The following GOLGA6D variants were observed in gnomAD, a reference collection of about 807,000 sequenced individuals.
The protein encoded by GOLGA6D is golgin A6 family member D, also known as golgin subfamily A member 6D.
A neutral mutation model predicts 42.1 loss-of-function variants in GOLGA6D; 9 were observed. That is an observed-to-expected ratio of 0.21 (90% CI 0.13 to 0.37). The LOEUF (loss-of-function observed/expected upper bound fraction) is 0.37. GOLGA6D is among the 10% of genes least tolerant of loss of function. The pLI, the probability that GOLGA6D is intolerant of heterozygous loss-of-function variation, is 1.00. For synonymous variants in GOLGA6D, 39 were observed against 167.3 expected (o/e 0.23, Z 5.92); for missense variants, 87 against 420.8 (o/e 0.21, Z 6.94).
chr15:75,293,483 G>A (rs564007339), intron 14 of GOLGA6D, among the ~76,000 whole-genome samples: 2 of 145,230 alleles, frequency 1.4e-5, no homozygotes, highest in South Asian at 2.2e-4. Context: ...TGTGGGCAGC[G>A]GAAGGTGTGA....
chr15:75,277,719 G>A, the GOLGA6D span, among the ~76,000 whole-genome samples: 1 of 142,746 alleles, frequency 7.0e-6, no homozygotes. Context: ...CTACTCGGGA[G>A]GCTGAGGTGG....
rs267604325 is a variant in GOLGA6D at position 75,294,380 on chromosome 15, G to T, written c.1987G>T (p.Glu663Ter). Residue 663 changes from glutamate to a stop codon, truncating the protein, a stop_gained, in exon 18 of 18, where the codon GAG becomes TAG. Transcript: ENST00000434739. LOFTEE classifies it low-confidence loss of function (END_TRUNC). ...FYEVSLDNNV[E>*]PAPGVAREGS... ...TGAAGTGAGCCTGGACAACAACGTG[G>T]AGCCTGCACCAGGAGTGGCCAGGGA... 1 of 1,598,282 alleles carries T rather than the reference G, an allele frequency of 6.3e-7. No homozygotes were observed. Among genetic ancestry groups the T allele is most frequent in the Non-Finnish European group, 8.5e-7 (1 of 1,177,810 alleles).
chr15:75,276,154 C>A, the GOLGA6D span, among the ~76,000 whole-genome samples: 1 of 151,794 alleles, frequency 6.6e-6, no homozygotes, highest in Non-Finnish European at 1.5e-5. Context: ...CTTGAATGCC[C>A]CCTCACCCCC....
chr15:75,276,194 A>T, the GOLGA6D span, among the ~76,000 whole-genome samples: 893 of 148,076 alleles, frequency 6.0e-3, 2 homozygotes, highest in Admixed American at 9.9e-3. Context: ...GGAAGACTCA[A>T]GTGTCTGTAT....
rs1468080803 is a variant in GOLGA6D at position 75,288,771 on chromosome 15, A to T, written c.564+407A>T. Among the ~76,000 whole-genome samples, 3 of 140,808 alleles carry T rather than the reference A, an allele frequency of 2.1e-5. 1 individual carries two copies. Among genetic ancestry groups the T allele is most frequent in the African/African-American group, 8.4e-5 (3 of 35,564 alleles). 92.4% of individuals were successfully genotyped at this position (140,808 alleles called of 152,430 possible). On this transcript the variant is annotated intron_variant, in intron 7 of 17. Transcript: ENST00000434739. ...TGTGTGTACTATGATAATATACAAA[A>T]ACATGTCTGCAAGCATTCATAAAAA...
At chr15:75,278,850 G>A (rs1309167006), upstream of GOLGA6D, among the ~76,000 whole-genome samples, 1 of 151,550 alleles carries the variant, frequency 6.6e-6, no homozygotes, top group Non-Finnish European at 1.5e-5. Flanking sequence ...GGATGTATCA[G>A]ATGCTTCAAA....
rs1203142585 is a variant in GOLGA6D, at chr15:75,293,468, G to A, written c.1594-261G>A. 1.9e-4 allele frequency among the ~76,000 whole-genome samples: 27 copies of A among 145,716 alleles called. 1 individual carries two copies. Among genetic ancestry groups the A allele is most frequent in the Non-Finnish European group, 3.6e-4 (24 of 66,862 alleles). ...GCCAGTTCCCAGGAGGAGCAGGCAC[G>A]GCTATGTGGGCAGCGGAAGGTGTGA... On this transcript the variant is annotated intron_variant, in intron 14 of 17. Transcript: ENST00000434739.
intron 2 of GOLGA6D, among the ~76,000 whole-genome samples, chr15:75,286,096 T>C: frequency 1.4e-5 from 1 of 70,512 alleles, no homozygotes; most frequent in Non-Finnish European, 2.7e-5. Context: ...CTCTTTTTTT[T>C]TTTTTTTTTT....
chr15:75,276,762 TG>T, the GOLGA6D span, among the ~76,000 whole-genome samples: 143 of 74,286 alleles, frequency 1.9e-3, no homozygotes, highest in African/African-American at 5.0e-3. Flanking sequence ...CAGGGCATTC[TG>T]GGGGGCATCT....
upstream of GOLGA6D, among the ~76,000 whole-genome samples, chr15:75,278,857 C>T (rs2070837428): frequency 6.6e-6 from 1 of 151,440 alleles, no homozygotes; most frequent in Admixed American, 6.6e-5. Context: ...TCAGATGCTT[C>T]AAAAGTCCTG....
chr15:75,294,336 C>G lies in GOLGA6D; in HGVS notation c.1955-12C>G. 1 of 1,591,252 alleles carries G rather than the reference C, an allele frequency of 6.3e-7. No individual in the cohort carries two copies. The highest frequency in any genetic ancestry group is 8.5e-7 in the Non-Finnish European group (1 of 1,176,564). On this transcript the variant is annotated splice_polypyrimidine_tract_variant and intron_variant, in intron 17 of 17. Coordinates refer to ENST00000434739, the MANE Select transcript of GOLGA6D (RefSeq NM_001145224.3). ...GCACTGTGCTCAGACCCCCGCCTCC[C>G]TCTCTCCGAAGTTTTTTATGAAGTG...
the GOLGA6D span, among the ~76,000 whole-genome samples, chr15:75,277,783 CA>C: frequency 6.7e-6 from 1 of 149,398 alleles, no homozygotes; most frequent in African/African-American, 2.5e-5. Flanking sequence ...GCCTGGGCGA[CA>C]GAGTGACACC....
chr15:75,294,360 T>A lies in GOLGA6D; in HGVS notation c.1967T>A (p.Val656Glu). ...CCTCTCTCCGAAGTTTTTTATGAAG[T>A]GAGCCTGGACAACAACGTGGAGCCT... ...AAGEQDVFYE[V>E]SLDNNVEPAP... is the part of the protein sequence containing the mutation. The change falls in exon 18 of 18, where the codon GTG (valine) becomes GAG (glutamate). Residue 656 changes from valine (V) to glutamate (E), a missense_variant. Coordinates refer to ENST00000434739, the MANE Select transcript of GOLGA6D (RefSeq NM_001145224.3). 6.3e-7 allele frequency: 1 copy of A among 1,596,946 alleles called. No homozygotes were observed. The highest frequency in any genetic ancestry group is 1.1e-5 in the South Asian group (1 of 90,454).
chr15:75,277,821 T>C, the GOLGA6D span, among the ~76,000 whole-genome samples: 1 of 1,686 alleles, frequency 5.9e-4, no homozygotes, highest in African/African-American at 1.0e-3. Flanking sequence ...AAAATGTCAC[T>C]GTTTTGGGGT....
upstream of GOLGA6D, among the ~76,000 whole-genome samples, chr15:75,279,037 G>A (rs878943943): frequency 2.7e-5 from 4 of 147,730 alleles, no homozygotes; most frequent in Admixed American, 7.0e-5. Context: ...TTTAGACCAC[G>A]GGAAGTTGAA....
In GOLGA6D at chr15:75,294,364, C is replaced by A; in HGVS notation, c.1971C>A (p.Ser657Arg). 1 of 1,597,434 alleles carries A rather than the reference C, an allele frequency of 6.3e-7. No homozygotes were observed. The highest frequency in any genetic ancestry group is 8.5e-7 in the Non-Finnish European group (1 of 1,177,764). The change falls in exon 18 of 18, where the codon AGC becomes AGA. Residue 657 changes from serine to arginine, a missense_variant. By Grantham distance (110) the Ser-to-Arg change is moderately radical (BLOSUM62 -1). Coordinates refer to ENST00000434739, the MANE Select transcript of GOLGA6D (RefSeq NM_001145224.3). ...AGEQDVFYEV[S>R]LDNNVEPAPG... ...TCTCCGAAGTTTTTTATGAAGTGAG[C>A]CTGGACAACAACGTGGAGCCTGCAC...
chr15:75,285,865 G>A (rs2070851844), intron 2 of GOLGA6D, among the ~76,000 whole-genome samples: 1 of 5,464 alleles, frequency 1.8e-4, no homozygotes, highest in Non-Finnish European at 3.0e-4. Flanking sequence ...GTCTACAGCT[G>A]TGCATGGCCC....
Position 75,289,335 on chromosome 15 carries a change from G to A in GOLGA6D, c.565-62G>A. 6.1e-6 allele frequency: 9 copies of A among 1,474,324 alleles called. 1 individual carries two copies. The highest frequency in any genetic ancestry group is 8.3e-6 in the Non-Finnish European group (9 of 1,079,692). The allele number at this position is 1,474,324 out of a possible 1,614,324, so 91.3% of individuals were successfully genotyped here. ...GAGTTGTATATTGAGCCTAGCCCTAGCCCTTTTAAGGGGCACTGCCCGAGC... is the reference window on the plus strand; with the variant it reads ...GAGTTGTATATTGAGCCTAGCCCTAACCCTTTTAAGGGGCACTGCCCGAGC... On this transcript the variant is annotated intron_variant, in intron 7 of 17. Coordinates refer to ENST00000434739, the MANE Select transcript of GOLGA6D (RefSeq NM_001145224.3).
chr15:75,277,780 C>T, the GOLGA6D span, among the ~76,000 whole-genome samples: 35 of 148,342 alleles, frequency 2.4e-4, no homozygotes, highest in South Asian at 8.5e-4. Flanking sequence ...GCAGCCTGGG[C>T]GACAGAGTGA....
Sources: allele counts gnomAD v4.1 joint callset (sites outside exome capture counted in the v4.1 genomes callset), GRCh38; gene constraint gnomAD v4.1.1; transcripts MANE v1.5; gene names NCBI Gene and HGNC (gene_info 2026-07-23, HGNC 2026-07-21).